ELN: variants seen among roughly 807,000 people sequenced by gnomAD.
The protein encoded by ELN is elastin, also known as tropoelastin.
A neutral mutation model predicts 105.8 loss-of-function variants in ELN; 65 were observed. The ratio of observed to expected loss-of-function variants is 0.61; its 90% CI spans 0.50 to 0.75. ELN has a LOEUF of 0.75. Ranked by LOEUF, ELN falls within the 30% of genes least tolerant of loss-of-function variation. The probability of loss-of-function intolerance (pLI) is 0.00; values close to 1 mark genes in which losing one functional copy is unlikely to be tolerated. For synonymous variants in ELN, 368 were observed against 389.2 expected (o/e 0.95, Z 0.64); for missense variants, 882 against 969.4 (o/e 0.91, Z 1.20).
intron 22 of ELN, among the ~76,000 whole-genome samples, chr7:74,058,659 A>C (rs1554682016): frequency 6.6e-6 from 1 of 152,162 alleles, no homozygotes; most frequent in South Asian, 2.1e-4. Flanking sequence ...CCCGGCCTGC[A>C]GTACTTCTTG....
intron 15 of ELN, among the ~76,000 whole-genome samples, chr7:74,051,321 G>C (rs1261351326): frequency 6.6e-6 from 1 of 152,206 alleles, no homozygotes; most frequent in Non-Finnish European, 1.5e-5. Flanking sequence ...TGGTGGGGAC[G>C]GCTGCAATGT....
intron 32 of ELN, among the ~76,000 whole-genome samples, chr7:74,067,934 A>C (rs1554690135): frequency 9.1e-6 from 1 of 109,986 alleles, no homozygotes; most frequent in South Asian, 3.0e-4. Context: ...ATTGCGTCTC[A>C]AAAAAAAAAA....
intron 32 of ELN, 85 bp from the exon 33 acceptor site, chr7:74,068,572 A>T: frequency 6.4e-7 from 1 of 1,562,302 alleles, no homozygotes; most frequent in South Asian, 1.1e-5. Context: ...TGGAGCCTCC[A>T]TTCGAGTGGG....
At chr7:74,044,605 C>T (rs1792032411) in intron 9 of ELN, among the ~76,000 whole-genome samples, 1 of 152,230 alleles carries the variant, frequency 6.6e-6, no homozygotes, top group Non-Finnish European at 1.5e-5. Context: ...TGCCCCTCAC[C>T]CTCCTTTCCC....
intron 29 of ELN, among the ~76,000 whole-genome samples, chr7:74,064,186 AGGTG>A (rs1797377639): frequency 2.0e-5 from 3 of 151,832 alleles, no homozygotes; most frequent in Non-Finnish European, 2.9e-5. Flanking sequence ...TGGGAGGCTG[AGGTG>A]GGCAGATCAC....
rs782532851 is a variant in ELN, at chr7:74,063,618, C to T, written c.1919-3C>T. On this transcript the variant is annotated splice_region_variant and splice_polypyrimidine_tract_variant and intron_variant, in intron 28 of 32. Coordinates refer to ENST00000252034, the MANE Select transcript of ELN (RefSeq NM_000501.4). The surrounding 1 kb of genome is among the most constrained non-coding windows in gnomAD (Gnocchi z 4.1). ...GGAGTCTAATGCTCAGCTGTCTCCACAGGCCTAGTGGGAGCCGCTGGGCTC... is the reference window on the plus strand; with the variant it reads ...GGAGTCTAATGCTCAGCTGTCTCCATAGGCCTAGTGGGAGCCGCTGGGCTC... 1.9e-6 allele frequency: 3 copies of T among 1,614,218 alleles called. No homozygotes were observed. The highest frequency in any genetic ancestry group is 2.2e-5 in the South Asian group (2 of 91,084).
chr7:74,050,347 A>T (rs1793746614), intron 15 of ELN, among the ~76,000 whole-genome samples: 1 of 149,618 alleles, frequency 6.7e-6, no homozygotes, highest in Non-Finnish European at 1.5e-5. Flanking sequence ...CCATCCATTC[A>T]TCCATCCACT....
chr7:74,046,020 A>G (rs1563796835), intron 10 of ELN, 168 bp from the exon 11 acceptor site: 1 of 880,870 alleles, frequency 1.1e-6, no homozygotes. Context: ...GGGCGACAAG[A>G]GCGAAACTCC....
At chr7:74,061,038 C>T (rs1234643760) in intron 25 of ELN, 63 bp from the exon 26 acceptor site, 30 of 1,599,236 alleles carry the variant, frequency 1.9e-5, no homozygotes, top group South Asian at 4.4e-5. Flanking sequence ...CTAGAGGAGG[C>T]GGCAGAACTC....
intron 15 of ELN, among the ~76,000 whole-genome samples, chr7:74,050,605 G>GCATTCATTCATT (rs111893691): frequency 4.0e-5 from 6 of 150,626 alleles, no homozygotes; most frequent in Non-Finnish European, 8.9e-5. Flanking sequence ...ATTCACCCAT[G>GCATTCATTCATT]CATTCATTCA....
rs782542647 is a variant in ELN at position 74,063,131 on chromosome 7, AT to A, written c.1787-18del. The A allele has an allele frequency of 1.9e-6, 3 of 1,590,652 alleles. No homozygotes were observed. Among genetic ancestry groups the A allele is most frequent in the Non-Finnish European group, 2.6e-6 (3 of 1,170,750 alleles). ...CCCATCGTTCAGAAATGGAACACTC[AT>A]TTTCCCTCCTCTCCCCGCAGGAGCA... On this transcript the variant is annotated intron_variant, in intron 26 of 32. Transcript: ENST00000252034. This position sits in a 1 kb window ranked among gnomAD's most constrained non-coding sequence, Gnocchi z 4.1.
Position 74,053,171 on chromosome 7 carries a change from G to T in ELN, c.958G>T (p.Ala320Ser). The change falls in exon 18 of 33, where the codon GCA becomes TCA. Residue 320 changes from alanine (A) to serine (S), a missense_variant. By Grantham distance (99) the Ala-to-Ser change is moderately conservative. Coordinates refer to ENST00000252034, the MANE Select transcript of ELN (RefSeq NM_000501.4). The part of the protein sequence containing the change: ...AAKAAKYGAA[A>S]GLVPGGPGFG... ...TGCTTTTTCTTCCACAGGAGCTGCT[G>T]CAGGCTTAGTGCCTGGTGGGCCAGG... 6.2e-7 allele frequency: 1 copy of T among 1,614,204 alleles called. No homozygotes were observed. The highest frequency in any genetic ancestry group is 8.5e-7 in the Non-Finnish European group (1 of 1,180,042).
In ELN at chr7:74,042,687, C is replaced by T. The variant is rs782445128; in HGVS notation, c.306C>T (p.Ala102=). Residue 102 remains alanine (A), a synonymous_variant, in exon 6 of 33, where the codon GCC becomes GCT. Transcript: ENST00000252034. Reference sequence around the variant, plus strand: ...GTGGAGTGGCTGACGCTGCTGCAGCCTATAAAGCTGCTAAGGCTGGTGAGT... The same window carrying T: ...GTGGAGTGGCTGACGCTGCTGCAGCTTATAAAGCTGCTAAGGCTGGTGAGT... ...VPGGVADAAA[A]YKAAKAGAGL... is the part of the protein sequence containing the mutation. 5 of 1,613,266 alleles carry T rather than the reference C, an allele frequency of 3.1e-6. No homozygotes were observed. The South Asian group carries it at 5.5e-5, about 18-fold the overall frequency.
intron 22 of ELN, among the ~76,000 whole-genome samples, chr7:74,058,914 A>G (rs940413337): frequency 6.6e-5 from 10 of 152,074 alleles, no homozygotes; most frequent in Non-Finnish European, 1.3e-4. Context: ...ATTCTCACAC[A>G]CAGCAATCTT....
intron 8 of ELN, chr7:74,043,611 T>C (rs920101561): frequency 1.7e-5 from 11 of 635,746 alleles, no homozygotes; most frequent in Non-Finnish European, 3.1e-5. Context: ...GAGGGACATC[T>C]GGAAGCTGTT....
chr7:74,058,474 C>T (rs1272582695), intron 22 of ELN, among the ~76,000 whole-genome samples: 2 of 152,044 alleles, frequency 1.3e-5, no homozygotes, highest in African/African-American at 4.8e-5. Flanking sequence ...CCTGCTTCCG[C>T]CCCCCAAGAG....
intron 1 of ELN, among the ~76,000 whole-genome samples, chr7:74,033,078 AGCAACCTT>A (rs1443030679): frequency 2.6e-5 from 4 of 152,264 alleles, no homozygotes; most frequent in Admixed American, 6.5e-5. Flanking sequence ...GCAACCTTGC[AGCAACCTT>A]GCAACCTTGC....
Position 74,060,003 on chromosome 7 carries a change from C to T in ELN, c.1532C>T (p.Pro511Leu). The stretch of plus-strand genomic sequence containing the variant: ...GTGGCTCCTGGAGTTGGTGTGGCTC[C>T]TGGCGTTGGCGTGGCTCCCGGCATT... ...VGVAPGVGVAPGVGVAPGIGP... is the reference protein window; with the variant it reads ...VGVAPGVGVALGVGVAPGIGP... Residue 511 changes from proline to leucine, a missense_variant, in exon 23 of 33, where the codon CCT becomes CTT. Transcript: ENST00000252034. 12 of 1,613,968 alleles carry T rather than the reference C, an allele frequency of 7.4e-6. No individual in the cohort carries two copies. The highest frequency in any genetic ancestry group is 1.0e-5 in the Non-Finnish European group (12 of 1,179,956).
chr7:74,056,282 G>A lies in ELN; in HGVS notation c.1162G>A (p.Gly388Arg), dbSNP rs368711105. ...AKAAKYGARP[G>R]VGVGGIPTYG... is the part of the protein sequence containing the mutation. The stretch of plus-strand genomic sequence containing the variant: ...CCTTCCCTCTGCAGGGGCCAGGCCC[G>A]GAGTCGGAGTTGGAGGCATTCCTAC... The change falls in exon 20 of 33, where the codon GGA (glycine) becomes AGA (arginine). Residue 388 changes from glycine (G) to arginine (R), a missense_variant. Coordinates refer to ENST00000252034, the MANE Select transcript of ELN (RefSeq NM_000501.4). The A allele has an allele frequency of 1.7e-5, 28 of 1,614,012 alleles. No individual in the cohort carries two copies. The highest frequency in any genetic ancestry group is 8.0e-5 in the African/African-American group (6 of 74,904).
Sources: gnomAD v4.1 joint callset for allele counts (sites outside exome capture counted in the v4.1 genomes callset) on GRCh38, gnomAD v4.1.1 for gene constraint, Gnocchi (gnomAD v3.1) non-coding constraint, MANE v1.5 for transcripts, NCBI Gene and HGNC (gene_info 2026-07-23, HGNC 2026-07-21) for gene names.